Variants in DHX57 observed in about 807,000 individuals in gnomAD.
The protein encoded by DHX57 is putative ATP-dependent RNA helicase DHX57.
A neutral mutation model predicts 156.2 loss-of-function variants in DHX57; 105 were observed. The observed-to-expected ratio is 0.67, with a 90% CI of 0.57 to 0.79. The LOEUF is 0.79. Among genes scored for constraint, DHX57 ranks in the 30% least tolerant of loss-of-function variants. The pLI is 0.00. For synonymous variants in DHX57, 704 were observed against 595.6 expected (o/e 1.18, Z -2.65); for missense variants, 1,847 against 1,661.9 (o/e 1.11, Z -1.94).
intron 21 of DHX57, among the ~76,000 whole-genome samples, chr2:38,807,366 C>CT (rs1445524195): frequency 3.3e-5 from 5 of 150,944 alleles, no homozygotes; most frequent in Admixed American, 6.6e-5. Context: ...GTAAATATAA[C>CT]TTTTTTTTTG....
At chr2:38,835,505 C>T (rs961579608) in intron 13 of DHX57, among the ~76,000 whole-genome samples, 38 of 152,182 alleles carry the variant, frequency 2.5e-4, no homozygotes, top group Non-Finnish European at 5.9e-5. Context: ...TCATACTGGA[C>T]AGTGCCACTG....
intron 17 of DHX57, among the ~76,000 whole-genome samples, chr2:38,819,801 C>T (rs894100824): frequency 6.6e-6 from 1 of 152,160 alleles, no homozygotes; most frequent in South Asian, 2.1e-4. Context: ...TTGAGTCTCC[C>T]TTGCTTCTAT....
At chr2:38,852,082 A>G (rs1046928505) in intron 9 of DHX57, among the ~76,000 whole-genome samples, 5 of 151,760 alleles carry the variant, frequency 3.3e-5, no homozygotes, top group African/African-American at 9.7e-5. Flanking sequence ...CTTTTTATCT[A>G]AAAGTCTTTC....
At chr2:38,863,054 A>G (rs928581697) in intron 3 of DHX57, 95 of 229,418 alleles carry the variant, frequency 4.1e-4, no homozygotes, top group African/African-American at 2.0e-3. Context: ...CTCATTCAAC[A>G]CTACTTCTAC....
intron 5 of DHX57, among the ~76,000 whole-genome samples, chr2:38,859,367 G>A (rs1673066238): frequency 6.6e-6 from 1 of 152,146 alleles, no homozygotes; most frequent in Non-Finnish European, 1.5e-5. Flanking sequence ...GTTATGAGGG[G>A]CTGGGGGAAG....
chr2:38,848,663 A>G (rs1321296126), intron 9 of DHX57, among the ~76,000 whole-genome samples: 1 of 152,224 alleles, frequency 6.6e-6, no homozygotes, highest in Non-Finnish European at 1.5e-5. Context: ...CATATACATA[A>G]TGAGATATCT....
At chr2:38,824,914 G>A (rs573627304) in intron 16 of DHX57, among the ~76,000 whole-genome samples, 15 of 152,256 alleles carry the variant, frequency 9.9e-5, no homozygotes, top group Admixed American at 6.5e-4. Flanking sequence ...CTCCCAAAGT[G>A]CTGGGATTAC....
intron 23 of DHX57, 69 bp downstream of exon 23, chr2:38,802,646 T>C: frequency 2.5e-6 from 4 of 1,586,118 alleles, no homozygotes; most frequent in Non-Finnish European, 2.6e-6. Context: ...TGCCCTTGAC[T>C]TCATAACTTC....
chr2:38,818,802 T>G lies in DHX57; in HGVS notation c.3471+75A>C, dbSNP rs1315810563. On this transcript the variant is annotated intron_variant, in intron 19 of 23. Transcript: ENST00000457308. The stretch of plus-strand genomic sequence containing the variant: ...ATTTGCAATGTTAAGACAGGACACA[T>G]GAGACAAAGTCGCAGCACCCTCTGG... 2.5e-5 allele frequency: 38 copies of G among 1,500,930 alleles called. No homozygotes were observed. In the Admixed American group the frequency reaches 6.0e-4, roughly 24 times the overall value. 93.0% of individuals were successfully genotyped at this position (1,500,930 alleles called of 1,614,324 possible). A position where few individuals can be genotyped will look rare whatever the true frequency, so the allele number is the denominator to read the frequency against.
At chr2:38,846,380 G>A (rs986215692) in intron 11 of DHX57, among the ~76,000 whole-genome samples, 6 of 152,108 alleles carry the variant, frequency 3.9e-5, no homozygotes, top group African/African-American at 1.4e-4. Context: ...CCAGCACTTC[G>A]GGAGGCAAGG....
chr2:38,863,452 G>C lies in DHX57; in HGVS notation c.292C>G (p.Leu98Val). Residue 98 changes from leucine (L) to valine (V), a missense_variant, in exon 3 of 24, where the codon CTT becomes GTT. Transcript: ENST00000457308. ...PKWKPKAKVP[L>V]QTLHMTSENQ... ...TCAGAAGTCATATGTAGAGTCTGAA[G>C]GGGTACTTTGGCTTTGGGTTTCCAT... The C allele has an allele frequency of 6.2e-7, 1 of 1,614,090 alleles. No individual in the cohort carries two copies. The highest frequency in any genetic ancestry group is 1.1e-5 in the South Asian group (1 of 91,062).
At chr2:38,859,609 A>T (rs1283026017) in intron 5 of DHX57, among the ~76,000 whole-genome samples, 1 of 152,166 alleles carries the variant, frequency 6.6e-6, no homozygotes, top group Admixed American at 6.5e-5. Context: ...TTTCCCAAGG[A>T]ACACATTTGA....
At chr2:38,821,096 G>C (rs948495708) in intron 17 of DHX57, among the ~76,000 whole-genome samples, 1 of 151,770 alleles carries the variant, frequency 6.6e-6, no homozygotes, top group Non-Finnish European at 1.5e-5. Flanking sequence ...CAAATATATA[G>C]AAATTAAACA....
At chr2:38,800,547 C>T (rs2148524401) in intron 23 of DHX57, among the ~76,000 whole-genome samples, 1 of 152,252 alleles carries the variant, frequency 6.6e-6, no homozygotes, top group Non-Finnish European at 1.5e-5. Context: ...CACAGGTTCA[C>T]ACTGTGAGCC....
intron 19 of DHX57, among the ~76,000 whole-genome samples, chr2:38,817,365 A>T (rs1488948875): frequency 5.9e-5 from 9 of 152,126 alleles, no homozygotes; most frequent in African/African-American, 2.2e-4. Context: ...CCCAGGCTGG[A>T]GTGCAATGGC....
At position 38,826,753 on chromosome 2, in the gene DHX57, G is replaced by C. The variant is rs6740381; in HGVS notation, c.2640-64C>G. On this transcript the variant is annotated intron_variant, in intron 14 of 23. Coordinates refer to ENST00000457308, the MANE Select transcript of DHX57 (RefSeq NM_198963.3). ...TAGCACCGAAACTAGATTACAGTAG[G>C]TGAATTTCTACTAAAACCAACAATA... is the stretch of plus-strand genomic sequence containing the variant. 356 of 1,535,252 alleles carry C rather than the reference G, an allele frequency of 2.3e-4. 1 individual carries two copies. The African/African-American group carries it at 4.1e-3, about 18-fold the overall frequency.
At position 38,868,152 on chromosome 2, in the gene DHX57, A is replaced by T. The variant is rs1407640801; in HGVS notation, c.224+30T>A. ...TACATTAGGGGTTGATACCATTTCC[A>T]TATTTAAACATTCAAAGAGTTATAA... On this transcript the variant is annotated intron_variant, in intron 2 of 23. Transcript: ENST00000457308. The T allele has an allele frequency of 5.0e-6, 8 of 1,608,078 alleles. No individual in the cohort carries two copies. In the African/African-American group the frequency reaches 9.4e-5, roughly 19 times the overall value.
At chr2:38,834,955 G>C (rs187576723) in intron 13 of DHX57, among the ~76,000 whole-genome samples, 241 of 152,304 alleles carry the variant, frequency 1.6e-3, no homozygotes, top group Non-Finnish European at 2.9e-3. Context: ...TATGAGTCAA[G>C]AAAAAGCAAA....
chr2:38,823,663 C>T (rs1024811477), intron 16 of DHX57, among the ~76,000 whole-genome samples: 3 of 152,098 alleles, frequency 2.0e-5, no homozygotes, highest in Non-Finnish European at 2.9e-5. Flanking sequence ...ATAGAACTAC[C>T]ATATGATCCA....
Sources: allele counts gnomAD v4.1 joint callset (sites outside exome capture counted in the v4.1 genomes callset), GRCh38; gene constraint gnomAD v4.1.1; transcripts MANE v1.5; gene names NCBI Gene and HGNC (gene_info 2026-07-23, HGNC 2026-07-21).